The following GLIS3 variants were observed in gnomAD, a reference collection of about 807,000 sequenced individuals.
GLIS3 encodes the protein zinc finger protein GLIS3.
In GLIS3, 53 loss-of-function variants were observed where a neutral mutation model predicts 78.6. That is an observed-to-expected ratio of 0.67 (90% CI 0.54 to 0.85). GLIS3 has a LOEUF of 0.85. GLIS3 is among the 40% of genes least tolerant of loss of function. The pLI is 0.00. For synonymous variants in GLIS3, 684 were observed against 509.9 expected (o/e 1.34, Z -4.60); for missense variants, 1,703 against 1,231.1 (o/e 1.38, Z -5.74).
chr9:4,372,742 G>C, the GLIS3 span, among the ~76,000 whole-genome samples: 1 of 152,140 alleles, frequency 6.6e-6, no homozygotes, highest in Non-Finnish European at 1.5e-5. Context: ...CCTAAAAATA[G>C]AATCAAGGGA....
At chr9:4,423,126 T>C in the GLIS3 span, among the ~76,000 whole-genome samples, 2 of 152,048 alleles carry the variant, frequency 1.3e-5, no homozygotes, top group African/African-American at 2.4e-5. Context: ...CCTCCCTACC[T>C]CTGGGCAACT....
At chr9:4,110,094 G>C (rs1235235057) in intron 4 of GLIS3, among the ~76,000 whole-genome samples, 2 of 152,180 alleles carry the variant, frequency 1.3e-5, no homozygotes, top group Non-Finnish European at 2.9e-5. Context: ...TATCCCCCGG[G>C]TAAGGTATGG....
chr9:4,007,077 C>T (rs915112897), intron 4 of GLIS3, among the ~76,000 whole-genome samples: 1 of 152,082 alleles, frequency 6.6e-6, no homozygotes, highest in Non-Finnish European at 1.5e-5. Flanking sequence ...GCCTGGAGAC[C>T]AAGAATTCAA....
At chr9:3,982,972 G>C (rs944878407) in intron 4 of GLIS3, among the ~76,000 whole-genome samples, 1 of 152,132 alleles carries the variant, frequency 6.6e-6, no homozygotes, top group Non-Finnish European at 1.5e-5. Flanking sequence ...TTGATTGAGG[G>C]TCTCTTGGCC....
intron 9 of GLIS3, among the ~76,000 whole-genome samples, chr9:3,849,071 G>A (rs546353908): frequency 1.3e-5 from 2 of 152,198 alleles, no homozygotes; most frequent in Non-Finnish European, 2.9e-5. Context: ...TTTTCCTAAC[G>A]AAATCTAGTA....
chr9:3,922,557 T>G (rs1824959333), intron 6 of GLIS3, among the ~76,000 whole-genome samples: 1 of 152,106 alleles, frequency 6.6e-6, no homozygotes, highest in Non-Finnish European at 1.5e-5. Flanking sequence ...CTTATTTATA[T>G]TTTTTCTACA....
chr9:4,289,176 C>T (rs1450126595), intron 1 of GLIS3, among the ~76,000 whole-genome samples: 1 of 152,114 alleles, frequency 6.6e-6, no homozygotes, highest in African/African-American at 2.4e-5. Context: ...TCATTTATAA[C>T]TTTTCTGGAC....
At chr9:3,956,028 CAAAAAAAAA>C (rs5896037) in intron 4 of GLIS3, among the ~76,000 whole-genome samples, 2 of 87,630 alleles carry the variant, frequency 2.3e-5, no homozygotes, top group South Asian at 8.7e-4. Flanking sequence ...CCAGATTCAG[CAAAAAAAAA>C]AAAAAAAAAA....
rs1821039449 is a variant in GLIS3 at position 4,000,253 on chromosome 9, CTATTAT to C, written c.1711-63070_1711-63065del. Among the ~76,000 whole-genome samples the C allele has an allele frequency of 3.3e-5, 5 of 152,202 alleles. 1 individual carries two copies. In the South Asian group the frequency reaches 1.0e-3, roughly 32 times the overall value. On this transcript the variant is annotated intron_variant, in intron 4 of 10. Transcript: ENST00000381971. ...CAGAAGAAATATATTTAGTAGGATC[CTATTAT>C]ATACACTTCAAAAGCAGGCAAAACC...
chr9:4,241,131 G>A (rs1823268672), intron 2 of GLIS3, among the ~76,000 whole-genome samples: 3 of 152,114 alleles, frequency 2.0e-5, no homozygotes, highest in African/African-American at 7.2e-5. Flanking sequence ...AAGGAAACCT[G>A]CTTCTTTGTG....
intron 4 of GLIS3, among the ~76,000 whole-genome samples, chr9:4,021,706 G>A (rs988585593): frequency 1.3e-5 from 2 of 152,160 alleles, no homozygotes; most frequent in African/African-American, 4.8e-5. Context: ...GGGGCTTAGA[G>A]ACTTTCCTTG....
intron 4 of GLIS3, among the ~76,000 whole-genome samples, chr9:4,003,449 A>G (rs998772787): frequency 2.0e-5 from 3 of 152,204 alleles, no homozygotes; most frequent in African/African-American, 7.2e-5. Flanking sequence ...CAAACGACAA[A>G]TTGAAAAAGA....
chr9:4,391,427 T>C, the GLIS3 span, among the ~76,000 whole-genome samples: 7 of 152,182 alleles, frequency 4.6e-5, no homozygotes, highest in Non-Finnish European at 8.8e-5. Flanking sequence ...CAGTAGACTT[T>C]TTTTCTGAGC....
the GLIS3 span, among the ~76,000 whole-genome samples, chr9:4,398,731 C>G: frequency 6.6e-6 from 1 of 151,474 alleles, no homozygotes. Flanking sequence ...CTCTGTCACC[C>G]AGCTGGAGTC....
At chr9:4,417,706 G>GTT in the GLIS3 span, among the ~76,000 whole-genome samples, 2 of 152,090 alleles carry the variant, frequency 1.3e-5, no homozygotes, top group African/African-American at 2.4e-5. Context: ...TCCTCAAAAA[G>GTT]GTCATCTAAT....
intron 4 of GLIS3, among the ~76,000 whole-genome samples, chr9:4,002,372 T>A (rs142341062): frequency 5.9e-5 from 9 of 152,304 alleles, no homozygotes; most frequent in Non-Finnish European, 8.8e-5. Flanking sequence ...GACAATAAAT[T>A]TGTGTTATTT....
At chr9:4,338,421 C>A (rs765754567) in intron 2 of GLIS3, among the ~76,000 whole-genome samples, 1 of 150,940 alleles carries the variant, frequency 6.6e-6, no homozygotes, top group African/African-American at 2.4e-5. Flanking sequence ...ATTTTTTAAA[C>A]AAGCTCCCTG....
chr9:3,907,012 A>C (rs1452297212), intron 6 of GLIS3, among the ~76,000 whole-genome samples: 4 of 152,044 alleles, frequency 2.6e-5, no homozygotes, highest in African/African-American at 9.7e-5. Context: ...CCCTGACCAG[A>C]CCAGTCCACA....
chr9:4,369,045 G>T, the GLIS3 span, among the ~76,000 whole-genome samples: 1 of 152,126 alleles, frequency 6.6e-6, no homozygotes, highest in Non-Finnish European at 1.5e-5. Context: ...TAAATGTAGA[G>T]AAATAGACTC....
Sources: allele counts gnomAD v4.1 joint callset (sites outside exome capture counted in the v4.1 genomes callset), GRCh38; gene constraint gnomAD v4.1.1; transcripts MANE v1.5; gene names NCBI Gene and HGNC (gene_info 2026-07-23, HGNC 2026-07-21).